Variants in CORO2A observed in about 807,000 individuals in gnomAD.
The protein encoded by CORO2A is coronin-2A.
A neutral mutation model predicts 62.4 loss-of-function variants in CORO2A; 47 were observed. The ratio of observed to expected loss-of-function variants is 0.75; its 90% CI spans 0.60 to 0.96. CORO2A has a LOEUF of 0.96. Ranked by LOEUF, CORO2A falls within the 40% of genes least tolerant of loss-of-function variation. The probability of loss-of-function intolerance (pLI) is 0.00; values close to 1 mark genes in which losing one functional copy is unlikely to be tolerated. For synonymous variants in CORO2A, 273 were observed against 268.9 expected, an observed-to-expected ratio of 1.02 and a Z score of -0.15; for missense variants, 610 against 684.1, an observed-to-expected ratio of 0.89 and a Z score of 1.21.
intron 1 of CORO2A, among the ~76,000 whole-genome samples, chr9:98,173,389 C>T (rs1431291754): frequency 6.6e-6 from 1 of 152,200 alleles, no homozygotes; most frequent in East Asian, 1.9e-4. Flanking sequence ...GTGAGTGTGG[C>T]CGGGGCACTC....
intron 2 of CORO2A, among the ~76,000 whole-genome samples, chr9:98,141,036 G>A (rs961224615): frequency 5.9e-5 from 9 of 152,064 alleles, no homozygotes; most frequent in Non-Finnish European, 1.3e-4. Context: ...AGGGATGAAG[G>A]GCTAAGATGG....
At chr9:98,169,211 C>T (rs1003456990) in intron 1 of CORO2A, among the ~76,000 whole-genome samples, 10 of 146,150 alleles carry the variant, frequency 6.8e-5, no homozygotes, top group African/African-American at 2.7e-4. Context: ...CCCGCCCCCG[C>T]GCCGCCCATC....
At chr9:98,129,649 CAG>C in intron 8 of CORO2A, 143 bp downstream of exon 8, 2 of 677,788 alleles carry the variant, frequency 3.0e-6, no homozygotes, top group East Asian at 2.6e-5. Flanking sequence ...CCCACCAAGT[CAG>C]AGTGTTGCTA....
chr9:98,174,951 T>C (rs148688980), intron 1 of CORO2A, among the ~76,000 whole-genome samples: 4 of 152,232 alleles, frequency 2.6e-5, no homozygotes, highest in African/African-American at 7.2e-5. Flanking sequence ...AACTTTGCTA[T>C]GTATATATCA....
chr9:98,131,041 G>C lies in CORO2A; in HGVS notation c.784C>G (p.Leu262Val). Residue 262 changes from leucine to valine, a missense_variant, in exon 7 of 12, where the codon CTG becomes GTG. Coordinates refer to ENST00000375077, the MANE Select transcript of CORO2A (RefSeq NM_052820.4). ...LWDQDNLSVP[L>V]MEEDLDGSSG... is the part of the protein sequence containing the mutation. ...GAGCCGTCCAGGTCCTCCTCCATCA[G>C]AGGCACAGAGAGGTTATCCTGCAGG... 1 of 1,612,868 alleles carries C rather than the reference G, an allele frequency of 6.2e-7. No homozygotes were observed. Among genetic ancestry groups the C allele is most frequent in the Non-Finnish European group, 8.5e-7 (1 of 1,179,490 alleles).
chr9:98,163,741 T>TGTGTGA (rs1253283361), intron 1 of CORO2A, among the ~76,000 whole-genome samples: 1 of 139,544 alleles, frequency 7.2e-6, no homozygotes, highest in Non-Finnish European at 1.5e-5. Context: ...TGTGTGTGTG[T>TGTGTGA]GAGAGAGAGA....
intron 2 of CORO2A, among the ~76,000 whole-genome samples, chr9:98,152,044 T>G (rs946519832): frequency 4.0e-5 from 6 of 151,856 alleles, no homozygotes; most frequent in Admixed American, 3.9e-4. Flanking sequence ...CTCAAACTCC[T>G]GACCTCAGAT....
At position 98,126,699 on chromosome 9, in the gene CORO2A, CT is replaced by C; in HGVS notation, c.1295del (p.Lys432SerfsTer34). 6.2e-7 allele frequency: 1 copy of C among 1,614,228 alleles called. No individual in the cohort carries two copies. On this transcript the variant is annotated frameshift_variant, in exon 11 of 12. Transcript: ENST00000375077. LOFTEE classifies it high-confidence loss of function. Reference sequence around the variant, plus strand: ...ACCTCCAGCCATCTTCTGCAGCCAGCTTTTCTGTCTGATTCAAGAGCCGGGG... The same window carrying C: ...ACCTCCAGCCATCTTCTGCAGCCAGCTTTCTGTCTGATTCAAGAGCCGGGG... ...ASPRLLNQTE[K>X]LAAEDGWRSS...
intron 1 of CORO2A, among the ~76,000 whole-genome samples, chr9:98,187,688 C>T (rs1272727536): frequency 6.6e-6 from 1 of 152,106 alleles, no homozygotes; most frequent in Non-Finnish European, 1.5e-5. Flanking sequence ...AGGGCTCTGC[C>T]TTCCTGACCT....
intron 1 of CORO2A, among the ~76,000 whole-genome samples, chr9:98,182,874 T>C (rs1008941982): frequency 8.5e-5 from 13 of 152,270 alleles, no homozygotes; most frequent in Non-Finnish European, 1.5e-4. Context: ...CAGTTTCTGT[T>C]GCTTTTTCTT....
At chr9:98,133,670 C>T (rs2118812881) in intron 4 of CORO2A, among the ~76,000 whole-genome samples, 1 of 152,312 alleles carries the variant, frequency 6.6e-6, no homozygotes, top group South Asian at 2.1e-4. Context: ...CAAATACACG[C>T]AGCAGCTCTG....
intron 6 of CORO2A, 105 bp downstream of exon 6, chr9:98,132,080 T>G: frequency 1.1e-6 from 1 of 913,678 alleles, no homozygotes. Flanking sequence ...CAGTCTACGC[T>G]AAATGTGTGT....
chr9:98,125,548 A>G (rs1256466368), intron 11 of CORO2A, among the ~76,000 whole-genome samples: 1 of 152,146 alleles, frequency 6.6e-6, no homozygotes, highest in Non-Finnish European at 1.5e-5. Context: ...AGAGAATTCA[A>G]TCACGTGCTG....
intron 1 of CORO2A, among the ~76,000 whole-genome samples, chr9:98,180,343 G>A (rs1428272154): frequency 6.6e-6 from 1 of 152,038 alleles, no homozygotes; most frequent in Admixed American, 6.5e-5. Context: ...GCTCAGCTTA[G>A]AGAAGTGCTC....
chr9:98,141,307 C>T (rs1369555040), intron 2 of CORO2A, among the ~76,000 whole-genome samples: 1 of 151,294 alleles, frequency 6.6e-6, no homozygotes, highest in Admixed American at 6.6e-5. Context: ...AAGGACACTG[C>T]ACCCACAGGC....
intron 1 of CORO2A, among the ~76,000 whole-genome samples, chr9:98,186,537 G>C (rs952888306): frequency 1.3e-5 from 2 of 152,190 alleles, no homozygotes; most frequent in Non-Finnish European, 2.9e-5. Flanking sequence ...GATGAGAAGA[G>C]GAGAAGATAT....
intron 11 of CORO2A, among the ~76,000 whole-genome samples, chr9:98,125,714 T>A (rs1017916658): frequency 5.0e-5 from 7 of 138,756 alleles, no homozygotes; most frequent in African/African-American, 1.9e-4. Context: ...CCACCATTTT[T>A]TTTTTTTTTT....
intron 11 of CORO2A, 89 bp downstream of exon 11, chr9:98,126,460 C>G: frequency 6.7e-7 from 1 of 1,500,714 alleles, no homozygotes; most frequent in Non-Finnish European, 9.0e-7. Context: ...TCTTCTCATG[C>G]CTCATTTTCT....
intron 1 of CORO2A, among the ~76,000 whole-genome samples, chr9:98,159,798 T>C (rs1399978016): frequency 6.6e-6 from 1 of 151,996 alleles, no homozygotes; most frequent in African/African-American, 2.4e-5. Context: ...GCTTGGAGCT[T>C]CCTCAGAGAA....
Sources: allele counts gnomAD v4.1 joint callset (sites outside exome capture counted in the v4.1 genomes callset), GRCh38; gene constraint gnomAD v4.1.1; transcripts MANE v1.5; gene names NCBI Gene and HGNC (gene_info 2026-07-23, HGNC 2026-07-21).